PDE3B: variants seen among roughly 807,000 people sequenced by gnomAD.
The protein encoded by PDE3B is cGMP-inhibited 3',5'-cyclic phosphodiesterase 3B.
PDE3B carries 66 observed loss-of-function variants against 116.8 expected under a neutral mutation model. The observed-to-expected ratio is 0.56, with a 90% CI of 0.46 to 0.69. PDE3B has a LOEUF of 0.69. PDE3B is among the 30% of genes least tolerant of loss of function. The pLI, the probability that PDE3B is intolerant of heterozygous loss-of-function variation, is 0.00. For missense variants in PDE3B, 1,384 were observed against 1,368.1 expected (o/e 1.01, Z -0.18); for synonymous variants, 595 against 533.6 (o/e 1.12, Z -1.59).
chr11:14,844,500 A>G (rs1418484274), intron 12 of PDE3B, among the ~76,000 whole-genome samples: 3 of 152,202 alleles, frequency 2.0e-5, no homozygotes, highest in Non-Finnish European at 4.4e-5. Context: ...CAGTGGGTGC[A>G]GCGCACCGTG....
At chr11:14,771,714 T>C (rs865814873) in intron 1 of PDE3B, among the ~76,000 whole-genome samples, 8 of 151,758 alleles carry the variant, frequency 5.3e-5, no homozygotes, top group Non-Finnish European at 7.4e-5. Context: ...ATATGGCTTG[T>C]TTTAGTTACT....
intron 2 of PDE3B, chr11:14,772,567 G>C (rs116872434): frequency 1.3e-5 from 2 of 151,826 alleles, no homozygotes; most frequent in Non-Finnish European, 2.9e-5. Flanking sequence ...CCCAATTCCA[G>C]TCATTACCTA....
At chr11:14,710,181 G>A (rs1855659747) in intron 1 of PDE3B, among the ~76,000 whole-genome samples, 1 of 152,202 alleles carries the variant, frequency 6.6e-6, no homozygotes, top group African/African-American at 2.4e-5. Context: ...CTCATCTAGA[G>A]AATGGTTTGT....
intron 1 of PDE3B, among the ~76,000 whole-genome samples, chr11:14,702,091 G>C (rs1855379653): frequency 6.6e-6 from 1 of 150,554 alleles, no homozygotes; most frequent in Admixed American, 6.6e-5. Context: ...TTTTTAAAGT[G>C]TTTTTCTCCT....
At position 14,871,000 on chromosome 11, in the gene PDE3B, A is replaced by C. The variant is rs1237236241; in HGVS notation, c.*1340A>C. 3 of 152,200 alleles carry C rather than the reference A, an allele frequency of 2.0e-5. No homozygotes were observed. Among genetic ancestry groups the C allele is most frequent in the South Asian group, 2.1e-4 (1 of 4,834 alleles). The allele number at this position is 152,200 out of a possible 1,614,324, so 9.4% of individuals were successfully genotyped here. A position where few individuals can be genotyped will look rare whatever the true frequency, so the allele number is the denominator to read the frequency against. On this transcript the variant is annotated 3_prime_UTR_variant, in exon 16 of 16. Coordinates refer to ENST00000282096, the MANE Select transcript of PDE3B (RefSeq NM_000922.4). The surrounding 1 kb of genome is among the most constrained non-coding windows in gnomAD (Gnocchi z 4.1). ...GAAGATATAAAGAGCAGCCAAAATG[A>C]TGGCAAAATGGTAGGCTAATATTTT...
chr11:14,765,119 C>T (rs1048359695), intron 1 of PDE3B, among the ~76,000 whole-genome samples: 1 of 151,926 alleles, frequency 6.6e-6, no homozygotes, highest in Non-Finnish European at 1.5e-5. Context: ...TGAATTCAGT[C>T]AGTTTCATTA....
At chr11:14,736,808 C>T (rs1464434537) in intron 1 of PDE3B, among the ~76,000 whole-genome samples, 2 of 151,994 alleles carry the variant, frequency 1.3e-5, no homozygotes, top group Non-Finnish European at 2.9e-5. Context: ...TTGACATTGA[C>T]CTTAGAAAAG....
chr11:14,749,899 C>CATATATATATATAT lies in PDE3B; in HGVS notation c.979-22037_979-22024dup, dbSNP rs66919202. 8.2e-4 allele frequency among the ~76,000 whole-genome samples: 64 copies of CATATATATATATAT among 77,616 alleles called. 7 individuals are homozygous for CATATATATATATAT. Among genetic ancestry groups the CATATATATATATAT allele is most frequent in the East Asian group, 3.0e-3 (9 of 2,992 alleles). 50.9% of individuals were successfully genotyped at this position (77,616 alleles called of 152,430 possible). ...TTATAGATTTAAAATAAATATATCC[C>CATATATATATATAT]ATATATATATATATGTATCTTTGTG... On this transcript the variant is annotated intron_variant, in intron 1 of 15. Transcript: ENST00000282096.
chr11:14,770,456 A>C (rs554466666), intron 1 of PDE3B, among the ~76,000 whole-genome samples: 1 of 151,658 alleles, frequency 6.6e-6, no homozygotes, highest in South Asian at 2.1e-4. Flanking sequence ...GTATAAAAGA[A>C]ACTTAGGGAT....
At chr11:14,712,231 G>A (rs1411293046) in intron 1 of PDE3B, among the ~76,000 whole-genome samples, 2 of 152,046 alleles carry the variant, frequency 1.3e-5, no homozygotes, top group South Asian at 2.1e-4. Flanking sequence ...GACTACAGAC[G>A]TGTGCCACCA....
At chr11:14,850,012 C>G (rs1311867569) in intron 12 of PDE3B, among the ~76,000 whole-genome samples, 6 of 152,120 alleles carry the variant, frequency 3.9e-5, no homozygotes, top group African/African-American at 1.4e-4. Flanking sequence ...GACTATAAAT[C>G]ATGCTGCTAT....
At chr11:14,826,758 G>A (rs901776025) in intron 7 of PDE3B, among the ~76,000 whole-genome samples, 3 of 149,372 alleles carry the variant, frequency 2.0e-5, no homozygotes, top group Non-Finnish European at 3.0e-5. Context: ...AAACTGAAGA[G>A]GAAGGACTGA....
At position 14,686,009 on chromosome 11, in the gene PDE3B, T is replaced by G. The variant is rs1051970156; in HGVS notation, c.978+40956T>G. 3.9e-5 allele frequency among the ~76,000 whole-genome samples: 6 copies of G among 152,284 alleles called. No individual in the cohort carries two copies. The East Asian group carries it at 1.2e-3, about 29-fold the overall frequency. ...TAAGTCCATATCCTAGAGATGAGAT[T>G]AGATTTTCACCAATATCTACTTCCA... On this transcript the variant is annotated intron_variant, in intron 1 of 15. Coordinates refer to ENST00000282096, the MANE Select transcript of PDE3B (RefSeq NM_000922.4).
the PDE3B span, chr11:14,891,970 C>T: frequency 4.3e-6 from 7 of 1,612,108 alleles, no homozygotes; most frequent in Admixed American, 1.2e-4. Flanking sequence ...CGGGGCCCGT[C>T]GGGGCTGTAC....
At chr11:14,818,417 T>C in intron 6 of PDE3B, 24 bp downstream of exon 6, 1 of 1,499,898 alleles carries the variant, frequency 6.7e-7, no homozygotes, top group Non-Finnish European at 9.3e-7. Context: ...CTGTTTATTA[T>C]TTCTGTTTCA....
In PDE3B at chr11:14,859,176, T is replaced by G; in HGVS notation, c.2654T>G (p.Leu885Ter). 1 of 1,613,802 alleles carries G rather than the reference T, an allele frequency of 6.2e-7. No individual in the cohort carries two copies. Among genetic ancestry groups the G allele is most frequent in the Non-Finnish European group, 8.5e-7 (1 of 1,179,802 alleles). ...GTGGAATTCAAGCGCTTTCGTTTTT[T>G]AGTCATTGAAGCAATCCTTGCTACG... ...DHVEFKRFRFLVIEAILATDL... is the reference protein window; with the variant it reads ...DHVEFKRFRF Residue 885 changes from leucine (L) to a stop codon, truncating the protein, a stop_gained, in exon 13 of 16, where the codon TTA becomes TGA. Coordinates refer to ENST00000282096, the MANE Select transcript of PDE3B (RefSeq NM_000922.4). LOFTEE classifies it high-confidence loss of function.
At chr11:14,885,766 A>G in the PDE3B span, 3 of 1,611,656 alleles carry the variant, frequency 1.9e-6, no homozygotes, top group Admixed American at 3.3e-5. Context: ...ATAGGTGCAA[A>G]TAAACATACC....
At chr11:14,649,503 C>G (rs1181139321) in intron 1 of PDE3B, among the ~76,000 whole-genome samples, 1 of 152,180 alleles carries the variant, frequency 6.6e-6, no homozygotes. Context: ...TCCACTTTTA[C>G]TTTCCACAAG....
intron 1 of PDE3B, among the ~76,000 whole-genome samples, chr11:14,735,784 T>C (rs1856578966): frequency 6.6e-6 from 1 of 152,198 alleles, no homozygotes; most frequent in Non-Finnish European, 1.5e-5. Flanking sequence ...AAAGGTATGC[T>C]GGCTTTTAGG....
Sources: gnomAD v4.1 joint callset for allele counts (sites outside exome capture counted in the v4.1 genomes callset) on GRCh38, gnomAD v4.1.1 for gene constraint, Gnocchi (gnomAD v3.1) non-coding constraint, MANE v1.5 for transcripts, NCBI Gene and HGNC (gene_info 2026-07-23, HGNC 2026-07-21) for gene names.